HIPK2: variants seen among roughly 807,000 people sequenced by gnomAD.
HIPK2 encodes homeodomain-interacting protein kinase 2.
Under a neutral mutation model 113.7 loss-of-function variants are expected in HIPK2, and 27 were observed. The observed-to-expected ratio is 0.24, with a 90% CI of 0.17 to 0.33. The LOEUF is 0.33. Ranked by LOEUF, HIPK2 falls within the 10% of genes least tolerant of loss-of-function variation. The pLI, the probability that HIPK2 is intolerant of heterozygous loss-of-function variation, is 1.00. For synonymous variants in HIPK2, 631 were observed against 642.2 expected (o/e 0.98, Z 0.26); for missense variants, 1,257 against 1,588.0 (o/e 0.79, Z 3.54).
chr7:139,608,304 G>A (rs935070228), intron 9 of HIPK2, among the ~76,000 whole-genome samples: 1 of 142,980 alleles, frequency 7.0e-6, no homozygotes, highest in Admixed American at 7.1e-5. Flanking sequence ...AAAACTTTTA[G>A]GGATAATATA....
chr7:139,661,568 C>T (rs988833151), intron 2 of HIPK2, among the ~76,000 whole-genome samples: 12 of 152,312 alleles, frequency 7.9e-5, no homozygotes, highest in African/African-American at 2.2e-4. Flanking sequence ...ACCCACAATA[C>T]AATGAACATA....
intron 11 of HIPK2, 146 bp from the exon 12 acceptor site, chr7:139,597,144 G>A (rs1799251237): frequency 1.2e-6 from 1 of 826,040 alleles, no homozygotes; most frequent in Non-Finnish European, 1.8e-6. Context: ...ATCTGTGACT[G>A]GGAAAGGGAT....
At chr7:139,619,430 A>T (rs1177975613) in intron 7 of HIPK2, among the ~76,000 whole-genome samples, 1 of 152,310 alleles carries the variant, frequency 6.6e-6, no homozygotes, top group Non-Finnish European at 1.5e-5. Context: ...TCAGACTTGG[A>T]GATTATTCAT....
At chr7:139,730,343 T>G (rs1454401484) in intron 1 of HIPK2, among the ~76,000 whole-genome samples, 3 of 151,996 alleles carry the variant, frequency 2.0e-5, no homozygotes, top group African/African-American at 7.2e-5. Context: ...CTTGTTACCA[T>G]GTCACTGCAA....
At position 139,572,909 on chromosome 7, in the gene HIPK2, C is replaced by T. The variant is rs1798344722; in HGVS notation, c.*18G>A. On this transcript the variant is annotated 3_prime_UTR_variant, in exon 15 of 15. Coordinates refer to ENST00000406875, the MANE Select transcript of HIPK2 (RefSeq NM_022740.5). The stretch of plus-strand genomic sequence containing the variant: ...GGCCATTCTCTCCCTCCCTCCCTCC[C>T]TCCCTCCCCTCCAGTGTTTATATGT... 4 of 877,676 alleles carry T rather than the reference C, an allele frequency of 4.6e-6. No individual in the cohort carries two copies. Among genetic ancestry groups the T allele is most frequent in the Non-Finnish European group, 7.0e-6 (4 of 570,550 alleles). The allele number at this position is 877,676 out of a possible 1,614,324, so 54.4% of individuals were successfully genotyped here. A position where few individuals can be genotyped will look rare whatever the true frequency, so the allele number is the denominator to read the frequency against.
intron 2 of HIPK2, among the ~76,000 whole-genome samples, chr7:139,675,522 G>C (rs993473163): frequency 1.3e-5 from 2 of 152,198 alleles, no homozygotes; most frequent in East Asian, 1.9e-4. Context: ...ATGAGGGGCA[G>C]GCAGGTGGGG....
At position 139,596,871 on chromosome 7, in the gene HIPK2, C is replaced by T; in HGVS notation, c.2563G>A (p.Val855Ile). The part of the protein sequence containing the change: ...VHSSPACSTS[V>I]TCGWGDVASS... Reference sequence around the variant, plus strand: ...GCCACGTCGCCCCACCCACAGGTGACCGAGGTGCTGCAGGCCGGGCTACTG... The same window carrying T: ...GCCACGTCGCCCCACCCACAGGTGATCGAGGTGCTGCAGGCCGGGCTACTG... Residue 855 changes from valine (V) to isoleucine (I), a missense_variant, in exon 12 of 15, where the codon GTC becomes ATC. Physicochemically the swap from Val to Ile is conservative, Grantham distance 29. Coordinates refer to ENST00000406875, the MANE Select transcript of HIPK2 (RefSeq NM_022740.5). 1 of 1,613,954 alleles carries T rather than the reference C, an allele frequency of 6.2e-7. No homozygotes were observed. The highest frequency in any genetic ancestry group is 8.5e-7 in the Non-Finnish European group (1 of 1,179,878).
chr7:139,698,374 C>T lies in HIPK2; in HGVS notation c.1103+17558G>A, dbSNP rs918671348. Among the ~76,000 whole-genome samples, 495 of 152,304 alleles carry T rather than the reference C, an allele frequency of 3.3e-3. 3 individuals carry two copies. Among genetic ancestry groups the T allele is most frequent in the African/African-American group, 0.011 (453 of 41,564 alleles). ...GTTCATCCACTGATGGACATTTGGG[C>T]TGCTTCCACCATTTGGCTGTTGTAA... is the stretch of plus-strand genomic sequence containing the variant. On this transcript the variant is annotated intron_variant, in intron 2 of 14. Transcript: ENST00000406875.
chr7:139,650,623 C>T (rs1038140171), intron 2 of HIPK2, among the ~76,000 whole-genome samples: 2 of 152,178 alleles, frequency 1.3e-5, no homozygotes, highest in African/African-American at 2.4e-5. Flanking sequence ...TCCTCTCACA[C>T]TGAGCAGGGC....
At chr7:139,767,073 C>A (rs1452111184) in intron 1 of HIPK2, among the ~76,000 whole-genome samples, 1 of 152,216 alleles carries the variant, frequency 6.6e-6, no homozygotes, top group Non-Finnish European at 1.5e-5. Context: ...AGGTCCCTGA[C>A]TCTCTCACAT....
chr7:139,753,091 T>C (rs1796307018), intron 1 of HIPK2, among the ~76,000 whole-genome samples: 1 of 152,192 alleles, frequency 6.6e-6, no homozygotes, highest in Non-Finnish European at 1.5e-5. Context: ...ATGGGCATGG[T>C]TGTTTTCTAT....
In HIPK2 at chr7:139,600,610, G is replaced by C. The variant is rs766822131; in HGVS notation, c.2256-14C>G. ...GCATGCGTATTTCTGAAAGGCAACC[G>C]GGACAACAAGGTGCCTTAGAGGTGT... is the stretch of plus-strand genomic sequence containing the variant. On this transcript the variant is annotated splice_polypyrimidine_tract_variant and intron_variant, in intron 10 of 14. Transcript: ENST00000406875. 3 of 1,612,652 alleles carry C rather than the reference G, an allele frequency of 1.9e-6. No individual in the cohort carries two copies. The Admixed American group carries it at 5.0e-5, about 27-fold the overall frequency.
chr7:139,640,524 C>G (rs1403626892), intron 2 of HIPK2, among the ~76,000 whole-genome samples: 1 of 152,212 alleles, frequency 6.6e-6, no homozygotes, highest in African/African-American at 2.4e-5. Context: ...TTAAACAGAG[C>G]ATCATAGGGG....
intron 12 of HIPK2, among the ~76,000 whole-genome samples, chr7:139,594,736 T>C (rs1432442902): frequency 6.6e-6 from 1 of 152,186 alleles, no homozygotes; most frequent in Admixed American, 6.5e-5. Flanking sequence ...CAGCCTCATG[T>C]GTCCGGCACA....
At chr7:139,729,687 C>G (rs1264607285) in intron 1 of HIPK2, among the ~76,000 whole-genome samples, 1 of 152,166 alleles carries the variant, frequency 6.6e-6, no homozygotes, top group Non-Finnish European at 1.5e-5. Flanking sequence ...ATGAAAAAGG[C>G]AAACACCCAC....
In HIPK2 at chr7:139,561,646, T is replaced by TGTGA. The variant is rs993800682; in HGVS notation, c.*11277_*11280dup. 4 of 152,148 alleles carry TGTGA rather than the reference T, an allele frequency of 2.6e-5. No homozygotes were observed. The highest frequency in any genetic ancestry group is 9.7e-5 in the African/African-American group (4 of 41,420). 9.4% of individuals were successfully genotyped at this position (152,148 alleles called of 1,614,324 possible). A position where few individuals can be genotyped will look rare whatever the true frequency, so the allele number is the denominator to read the frequency against. ...TTTCTACACATATACAATATGCATATGTGAGTTTACAAATTTTAATTAATA... is the reference window on the plus strand; with the variant it reads ...TTTCTACACATATACAATATGCATATGTGAGTGAGTTTACAAATTTTAATTAATA... On this transcript the variant is annotated 3_prime_UTR_variant, in exon 15 of 15. Transcript: ENST00000406875.
In HIPK2 at chr7:139,583,905, G is replaced by C. The variant is rs1264019282; in HGVS notation, c.2877C>G (p.His959Gln). 4 of 1,613,858 alleles carry C rather than the reference G, an allele frequency of 2.5e-6. No homozygotes were observed. The highest frequency in any genetic ancestry group is 3.4e-6 in the Non-Finnish European group (4 of 1,179,884). The change falls in exon 13 of 15, where the codon CAC (histidine) becomes CAG (glutamine). Residue 959 changes from histidine (H) to glutamine (Q), a missense_variant. Physicochemically the swap from His to Gln is conservative, Grantham distance 24 (BLOSUM62 0). Coordinates refer to ENST00000406875, the MANE Select transcript of HIPK2 (RefSeq NM_022740.5). The stretch of plus-strand genomic sequence containing the variant: ...TGATGGTTCGGGGGTTCCCCGTGCA[G>C]TGATTCTCCAGGCTCCCCTTGGTGT... ...AFDTKGSLEN[H>Q]CTGNPRTIIV...
intron 1 of HIPK2, among the ~76,000 whole-genome samples, chr7:139,763,859 C>T (rs914494575): frequency 1.3e-5 from 2 of 152,374 alleles, no homozygotes; most frequent in Non-Finnish European, 2.9e-5. Context: ...AATGGTGACA[C>T]TCTGCCTTCC....
At chr7:139,698,568 T>G (rs1214383246) in intron 2 of HIPK2, among the ~76,000 whole-genome samples, 7 of 152,360 alleles carry the variant, frequency 4.6e-5, no homozygotes, top group African/African-American at 1.7e-4. Context: ...CATTTTACAT[T>G]CGTACCAGCG....
Sources: gnomAD v4.1 joint callset for allele counts (sites outside exome capture counted in the v4.1 genomes callset) on GRCh38, gnomAD v4.1.1 for gene constraint, MANE v1.5 for transcripts, NCBI Gene and HGNC (gene_info 2026-07-23, HGNC 2026-07-21) for gene names.